EHD4: variants seen among roughly 807,000 people sequenced by gnomAD.
EHD4 encodes EH domain-containing protein 4.
Under a neutral mutation model 51.0 loss-of-function variants are expected in EHD4, and 37 were observed. The observed-to-expected ratio is 0.73, with a 90% confidence interval of 0.56 to 0.95. EHD4 has a LOEUF of 0.95. Ranked by LOEUF, EHD4 falls within the 40% of genes least tolerant of loss-of-function variation. The pLI is 0.00. For missense variants in EHD4, 632 were observed against 733.1 expected (o/e 0.86, Z 1.59); for synonymous variants, 297 against 317.3 (o/e 0.94, Z 0.68).
chr15:41,962,265 T>C (rs1768882256), intron 1 of EHD4, among the ~76,000 whole-genome samples: 1 of 152,196 alleles, frequency 6.6e-6, no homozygotes, highest in South Asian at 2.1e-4. Context: ...ACTAAGAAAG[T>C]TCTTCTCAAA....
chr15:41,933,577 T>G (rs1325821399), intron 3 of EHD4, among the ~76,000 whole-genome samples: 2 of 152,182 alleles, frequency 1.3e-5, no homozygotes, highest in African/African-American at 4.8e-5. Flanking sequence ...GGATTGCCAC[T>G]GCCTCTCTTC....
intron 4 of EHD4, among the ~76,000 whole-genome samples, chr15:41,913,513 C>T (rs1240075570): frequency 6.6e-6 from 1 of 152,074 alleles, no homozygotes; most frequent in Non-Finnish European, 1.5e-5. Flanking sequence ...GGCATCTCCA[C>T]CTCAGCGTGC....
At chr15:41,903,294 A>AAC (rs1555473821) in intron 5 of EHD4, among the ~76,000 whole-genome samples, 11 of 147,078 alleles carry the variant, frequency 7.5e-5, no homozygotes, top group African/African-American at 1.5e-4. Flanking sequence ...AAAAAAAAAA[A>AAC]AACTTGGTGT....
At chr15:41,912,496 A>G (rs62002147) in intron 4 of EHD4, among the ~76,000 whole-genome samples, 16,460 of 152,126 alleles carry the variant, frequency 0.11, 1,231 homozygotes, top group Non-Finnish European at 0.16. Flanking sequence ...GGAGTTTGAG[A>G]CTAGCCTGGC....
chr15:41,899,060 G>C lies in EHD4; in HGVS notation c.*1585C>G, dbSNP rs1460014029. On this transcript the variant is annotated 3_prime_UTR_variant, in exon 6 of 6. Transcript: ENST00000220325. ...CCTTTGACCCTGTCACCAAAGGCAG[G>C]TGACAGAAAAAAAAAATTATGTGCC... 1 of 114,210 alleles carries C rather than the reference G, an allele frequency of 8.8e-6. No homozygotes were observed. The highest frequency in any genetic ancestry group is 4.0e-5 in the African/African-American group (1 of 25,084). The allele number at this position is 114,210 out of a possible 1,614,324, so 7.1% of individuals were successfully genotyped here.
At chr15:41,905,896 C>A (rs1472486170) in intron 5 of EHD4, among the ~76,000 whole-genome samples, 1 of 152,198 alleles carries the variant, frequency 6.6e-6, no homozygotes, top group Non-Finnish European at 1.5e-5. Context: ...GTTCTCCAAC[C>A]CCTGGACTCA....
At chr15:41,966,399 T>C (rs2067961989) in intron 1 of EHD4, among the ~76,000 whole-genome samples, 1 of 152,114 alleles carries the variant, frequency 6.6e-6, no homozygotes, top group African/African-American at 2.4e-5. Flanking sequence ...TTGCCTCGTA[T>C]CCCCTTTTCT....
chr15:41,942,810 C>T, intron 3 of EHD4: 3 of 389,284 alleles, frequency 7.7e-6, no homozygotes, highest in South Asian at 2.7e-5. Flanking sequence ...ACCTCGATAC[C>T]TCCCATTGTT....
At chr15:41,924,932 T>A (rs764250073) in intron 3 of EHD4, among the ~76,000 whole-genome samples, 4 of 151,610 alleles carry the variant, frequency 2.6e-5, no homozygotes. Context: ...TTTTGGCAGA[T>A]ACCTGTAATC....
intron 4 of EHD4, among the ~76,000 whole-genome samples, chr15:41,910,573 T>C (rs1235803528): frequency 1.5e-5 from 2 of 137,010 alleles, no homozygotes; most frequent in East Asian, 1.9e-4. Context: ...GTTCTCTTTG[T>C]ATATATATAT....
chr15:41,941,163 G>A (rs908183615), intron 3 of EHD4, among the ~76,000 whole-genome samples: 22 of 152,016 alleles, frequency 1.4e-4, no homozygotes, highest in African/African-American at 5.3e-4. Flanking sequence ...CACATAAAAA[G>A]ACGACCATCC....
chr15:41,899,763 C>T lies in EHD4; in HGVS notation c.*882G>A, dbSNP rs146645752. 1.3e-5 allele frequency: 2 copies of T among 152,332 alleles called. No homozygotes were observed. Among genetic ancestry groups the T allele is most frequent in the East Asian group, 3.9e-4 (2 of 5,184 alleles). The allele number at this position is 152,332 out of a possible 1,614,324, so 9.4% of individuals were successfully genotyped here. ...CTAAACGATCACTGCAGAGAACCACCTCTTTTCTTTACTGTAGTTTAAGTA... is the reference window on the plus strand; with the variant it reads ...CTAAACGATCACTGCAGAGAACCACTTCTTTTCTTTACTGTAGTTTAAGTA... On this transcript the variant is annotated 3_prime_UTR_variant, in exon 6 of 6. Transcript: ENST00000220325.
chr15:41,944,552 G>A (rs1595541394), intron 2 of EHD4, among the ~76,000 whole-genome samples: 2 of 152,162 alleles, frequency 1.3e-5, no homozygotes, highest in Admixed American at 6.5e-5. Context: ...GGGTATGAGC[G>A]GCCGTTACTG....
In EHD4 at chr15:41,897,277, G is replaced by A. The variant is rs1466394192; in HGVS notation, c.*3368C>T. 1 of 152,156 alleles carries A rather than the reference G, an allele frequency of 6.6e-6. No individual in the cohort carries two copies. The highest frequency in any genetic ancestry group is 2.1e-4 in the South Asian group (1 of 4,824). 9.4% of individuals were successfully genotyped at this position (152,156 alleles called of 1,614,324 possible). On this transcript the variant is annotated 3_prime_UTR_variant, in exon 6 of 6. Coordinates refer to ENST00000220325, the MANE Select transcript of EHD4 (RefSeq NM_139265.4). ...CCTCATCTTCAAGGCAATTGTCTCA[G>A]GCATCCTCCAGGCATCATGAAGGAG...
intron 4 of EHD4, among the ~76,000 whole-genome samples, chr15:41,914,983 T>C (rs1395363318): frequency 6.6e-6 from 1 of 151,816 alleles, no homozygotes; most frequent in East Asian, 1.9e-4. Flanking sequence ...TTTTTGTAAT[T>C]TTTTTTGTAA....
intron 1 of EHD4, among the ~76,000 whole-genome samples, chr15:41,971,328 T>C (rs1209945155): frequency 6.6e-6 from 1 of 152,246 alleles, no homozygotes; most frequent in East Asian, 1.9e-4. Context: ...ATCAGCACTT[T>C]GTTTCAACTG....
chr15:41,919,672 G>T, intron 3 of EHD4, 50 bp from the exon 4 acceptor site: 1 of 1,468,828 alleles, frequency 6.8e-7, no homozygotes, highest in African/African-American at 1.4e-5. Flanking sequence ...CAGGAGACAC[G>T]TTTAATGGGC....
intron 3 of EHD4, among the ~76,000 whole-genome samples, chr15:41,928,059 C>A (rs10518742): frequency 6.6e-6 from 1 of 152,120 alleles, no homozygotes. Context: ...AAATACACTT[C>A]GAAAAGAGTC....
intron 1 of EHD4, among the ~76,000 whole-genome samples, chr15:41,959,208 C>G (rs548001439): frequency 3.3e-5 from 5 of 151,674 alleles, no homozygotes. Context: ...CTGGCTAACA[C>G]GGTGAAACCC....
Sources: allele counts gnomAD v4.1 joint callset (sites outside exome capture counted in the v4.1 genomes callset), GRCh38; gene constraint gnomAD v4.1.1; transcripts MANE v1.5; gene names NCBI Gene and HGNC (gene_info 2026-07-23, HGNC 2026-07-21).